BMP6: variants seen among roughly 807,000 people sequenced by gnomAD.
BMP6 encodes the protein bone morphogenetic protein 6, also known as VG-1-R.
In BMP6, 17 loss-of-function variants were observed where a neutral mutation model predicts 54.1. That is an observed-to-expected ratio of 0.31 (90% confidence interval 0.22 to 0.47). BMP6 has a LOEUF of 0.47. Among genes scored for constraint, BMP6 ranks in the 20% least tolerant of loss-of-function variants. The probability of loss-of-function intolerance (pLI) is 1.00; values close to 1 mark genes in which losing one functional copy is unlikely to be tolerated. For missense variants in BMP6, 720 were observed against 690.4 expected (o/e 1.04, Z -0.48); for synonymous variants, 328 against 291.2 (o/e 1.13, Z -1.28).
chr6:7,774,818 G>C (rs1337949379), intron 1 of BMP6, among the ~76,000 whole-genome samples: 2 of 152,202 alleles, frequency 1.3e-5, no homozygotes, highest in African/African-American at 2.4e-5. Context: ...AATGCCACAG[G>C]CTTGGCAATT....
At chr6:7,864,692 G>A (rs907041587) in intron 4 of BMP6, among the ~76,000 whole-genome samples, 7 of 152,108 alleles carry the variant, frequency 4.6e-5, no homozygotes, top group African/African-American at 1.4e-4. Context: ...AGGATCCACC[G>A]CCCAGCGTGA....
rs892574961 is a variant in BMP6 at position 7,755,256 on chromosome 6, C to A, written c.664+27637C>A. ...TATTTGTCCCATCTGTTCTTTGTTCCCTTCCCCCCTTTTTCTGCCTTCTTT... is the reference window on the plus strand; with the variant it reads ...TATTTGTCCCATCTGTTCTTTGTTCACTTCCCCCCTTTTTCTGCCTTCTTT... On this transcript the variant is annotated intron_variant, in intron 1 of 6. Transcript: ENST00000283147. Among the ~76,000 whole-genome samples the A allele has an allele frequency of 4.0e-5, 6 of 150,348 alleles. No homozygotes were observed. In the East Asian group the frequency reaches 1.2e-3, roughly 29 times the overall value.
intron 1 of BMP6, among the ~76,000 whole-genome samples, chr6:7,834,708 AATAGAT>A (rs1758847356): frequency 6.6e-6 from 1 of 152,298 alleles, no homozygotes; most frequent in South Asian, 2.1e-4. Context: ...AAAACTCACT[AATAGAT>A]TATTTAAACT....
chr6:7,756,250 A>T (rs112750972), intron 1 of BMP6, among the ~76,000 whole-genome samples: 2,314 of 152,150 alleles, frequency 0.015, 52 homozygotes, highest in African/African-American at 0.04. Context: ...TCTATTGCTA[A>T]GACATCAAGT....
In BMP6 at chr6:7,878,001, G is replaced by A. The variant is rs551964913; in HGVS notation, c.1205-1073G>A. 3.9e-5 allele frequency among the ~76,000 whole-genome samples: 6 copies of A among 152,246 alleles called. No individual in the cohort carries two copies. In the South Asian group the frequency reaches 1.2e-3, roughly 32 times the overall value. ...GTGGGAAGTCCGAAGCATTGTGGTT[G>A]GCAGCCTAGGCCATTCATTTCTCCA... On this transcript the variant is annotated intron_variant, in intron 4 of 6. Transcript: ENST00000283147.
chr6:7,876,316 C>T (rs1759614286), intron 4 of BMP6, among the ~76,000 whole-genome samples: 2 of 152,318 alleles, frequency 1.3e-5, no homozygotes, highest in South Asian at 2.1e-4. Context: ...AATTTCACTA[C>T]ATGTGGCTAG....
At chr6:7,792,141 G>A (rs899667012) in intron 1 of BMP6, among the ~76,000 whole-genome samples, 10 of 152,130 alleles carry the variant, frequency 6.6e-5, no homozygotes, top group Admixed American at 2.0e-4. Flanking sequence ...AAACTCAGGC[G>A]GGAGGTGATG....
chr6:7,810,910 G>A (rs1309433652), intron 1 of BMP6, among the ~76,000 whole-genome samples: 2 of 152,128 alleles, frequency 1.3e-5, no homozygotes, highest in Non-Finnish European at 2.9e-5. Flanking sequence ...CAACAGTGGA[G>A]TCAGTTGGGG....
Position 7,726,573 on chromosome 6 carries a change from G to C in BMP6, c.-383G>C, listed in dbSNP as rs1419896129. ...CAGTCGCCAGGGAGAGCGCGGGGCAGCGCACGTGTGCGGCCAGCGAGGCCC... is the reference window on the plus strand; with the variant it reads ...CAGTCGCCAGGGAGAGCGCGGGGCACCGCACGTGTGCGGCCAGCGAGGCCC... On this transcript the variant is annotated 5_prime_UTR_variant, in exon 1 of 7. Transcript: ENST00000283147. Among the ~76,000 whole-genome samples the C allele has an allele frequency of 1.3e-5, 2 of 152,174 alleles. No individual in the cohort carries two copies. The highest frequency in any genetic ancestry group is 4.8e-5 in the African/African-American group (2 of 41,460).
chr6:7,760,769 G>T (rs1757601463), intron 1 of BMP6, among the ~76,000 whole-genome samples: 1 of 152,182 alleles, frequency 6.6e-6, no homozygotes, highest in Non-Finnish European at 1.5e-5. Context: ...TGCCTGGCTG[G>T]ACCGTAGTGT....
chr6:7,784,910 G>T (rs1361086572), intron 1 of BMP6, among the ~76,000 whole-genome samples: 1 of 152,206 alleles, frequency 6.6e-6, no homozygotes, highest in African/African-American at 2.4e-5. Flanking sequence ...AAAGAAGGTT[G>T]TGTGTTTATT....
chr6:7,857,750 C>T (rs756990001), intron 2 of BMP6, among the ~76,000 whole-genome samples: 1 of 152,212 alleles, frequency 6.6e-6, no homozygotes, highest in Non-Finnish European at 1.5e-5. Flanking sequence ...AACATTAGTA[C>T]ATGTGGGTCA....
At chr6:7,816,485 T>C (rs930443405) in intron 1 of BMP6, among the ~76,000 whole-genome samples, 15 of 152,272 alleles carry the variant, frequency 9.9e-5, no homozygotes, top group African/African-American at 3.6e-4. Context: ...GACTTTAGAT[T>C]TGAAGCAGAA....
chr6:7,777,716 G>A (rs917789626), intron 1 of BMP6, among the ~76,000 whole-genome samples: 1 of 150,248 alleles, frequency 6.7e-6, no homozygotes, highest in African/African-American at 2.4e-5. Flanking sequence ...TGAAAGTAAA[G>A]CATAAAACCC....
intron 4 of BMP6, among the ~76,000 whole-genome samples, chr6:7,866,733 G>A (rs1759429806): frequency 6.6e-6 from 1 of 152,218 alleles, no homozygotes; most frequent in African/African-American, 2.4e-5. Context: ...TGAAATTGGA[G>A]TAGTCTCTTT....
intron 1 of BMP6, among the ~76,000 whole-genome samples, chr6:7,765,885 A>G (rs1259067504): frequency 1.3e-5 from 2 of 152,092 alleles, no homozygotes; most frequent in Non-Finnish European, 2.9e-5. Context: ...CCCTCCTTCA[A>G]GTTCAGATTT....
chr6:7,857,527 G>A (rs1241249346), intron 2 of BMP6, among the ~76,000 whole-genome samples: 1 of 152,180 alleles, frequency 6.6e-6, no homozygotes, highest in Non-Finnish European at 1.5e-5. Context: ...TCAATAGGAA[G>A]GTCCAAGTAA....
intron 4 of BMP6, among the ~76,000 whole-genome samples, chr6:7,867,825 C>T (rs182577275): frequency 6.6e-6 from 1 of 152,352 alleles, no homozygotes; most frequent in East Asian, 1.9e-4. Context: ...TTCTATCATG[C>T]ACAACTCTTG....
At chr6:7,764,100 C>T (rs905934614) in intron 1 of BMP6, among the ~76,000 whole-genome samples, 3 of 152,128 alleles carry the variant, frequency 2.0e-5, no homozygotes, top group Admixed American at 6.5e-5. Context: ...GAGGAGCAGG[C>T]GAGGCGCAGC....
Sources: gnomAD v4.1 joint callset for allele counts (sites outside exome capture counted in the v4.1 genomes callset) on GRCh38, gnomAD v4.1.1 for gene constraint, MANE v1.5 for transcripts, NCBI Gene and HGNC (gene_info 2026-07-23, HGNC 2026-07-21) for gene names.